The following KCNN1 variants were observed in gnomAD, a reference collection of about 807,000 sequenced individuals.
KCNN1 encodes potassium calcium-activated channel subfamily N member 1, also known as small conductance calcium-activated potassium channel protein 1.
KCNN1 carries 20 observed loss-of-function variants against 44.7 expected under a neutral mutation model. The ratio of observed to expected loss-of-function variants is 0.45; its 90% CI spans 0.32 to 0.65. The LOEUF (loss-of-function observed/expected upper bound fraction) is 0.65, where lower values mean the gene tolerates loss of function less well. Among genes scored for constraint, KCNN1 ranks in the 30% least tolerant of loss-of-function variants. The pLI is 0.05. For missense variants in KCNN1, 632 were observed against 785.3 expected (o/e 0.80, Z 2.33); for synonymous variants, 324 against 341.7 (o/e 0.95, Z 0.57).
chr19:17,996,733 G>C (rs2033006482), intron 9 of KCNN1, among the ~76,000 whole-genome samples: 1 of 152,260 alleles, frequency 6.6e-6, no homozygotes. Context: ...GCCTGAGAGA[G>C]GCCAGGGTAA....
intron 3 of KCNN1, among the ~76,000 whole-genome samples, chr19:17,980,064 CTT>C (rs71164336): frequency 4.4e-5 from 6 of 137,766 alleles, no homozygotes; most frequent in Admixed American, 7.4e-5. Flanking sequence ...CTTTTTCTTT[CTT>C]TTTTTTTTTT....
chr19:17,987,374 T>C (rs768855475), intron 5 of KCNN1, among the ~76,000 whole-genome samples: 3 of 152,154 alleles, frequency 2.0e-5, no homozygotes, highest in Non-Finnish European at 4.4e-5. Context: ...CCTCCCAAAG[T>C]GCTGGGATTA....
chr19:17,971,828 G>C (rs941026609), intron 1 of KCNN1, among the ~76,000 whole-genome samples: 1 of 151,782 alleles, frequency 6.6e-6, no homozygotes, highest in African/African-American at 2.4e-5. Context: ...CAAATCCCAG[G>C]ACCCACTTCT....
chr19:17,979,753 G>A (rs1182135716), intron 3 of KCNN1, among the ~76,000 whole-genome samples: 1 of 152,116 alleles, frequency 6.6e-6, no homozygotes, highest in African/African-American at 2.4e-5. Context: ...GCGAGCGGAG[G>A]AGGCCCCTAG....
At chr19:17,975,311 A>C in intron 3 of KCNN1, 124 bp downstream of exon 3, 2 of 637,238 alleles carry the variant, frequency 3.1e-6, no homozygotes, top group Non-Finnish European at 5.5e-6. Context: ...CTGATAGAAA[A>C]AAGATCTCCA....
chr19:17,980,228 ATTTTTTTTTTTTTTTTT>A (rs34810089), intron 3 of KCNN1, among the ~76,000 whole-genome samples: 5 of 44,530 alleles, frequency 1.1e-4, no homozygotes, highest in African/African-American at 3.9e-4. Context: ...CACCTAGCTA[ATTTTTTTTTTTTTTTTT>A]TTTTTTTTTT....
intron 7 of KCNN1, among the ~76,000 whole-genome samples, chr19:17,991,288 C>T (rs2032786598): frequency 6.6e-6 from 1 of 151,790 alleles, no homozygotes; most frequent in Non-Finnish European, 1.5e-5. Context: ...CCCGTCTCTA[C>T]AAAAATAAAA....
At chr19:17,959,406 T>G (rs1284016082) in intron 2 of KCNN1, among the ~76,000 whole-genome samples, 6 of 151,462 alleles carry the variant, frequency 4.0e-5, no homozygotes, top group Admixed American at 2.0e-4. Flanking sequence ...TACAGGCACC[T>G]GCCACCACGC....
chr19:17,969,364 T>C (rs1163344243), intron 1 of KCNN1, among the ~76,000 whole-genome samples: 1 of 152,194 alleles, frequency 6.6e-6, no homozygotes, highest in African/African-American at 2.4e-5. Context: ...GTCTCCCGTC[T>C]GTAAAATGGG....
intron 2 of KCNN1, among the ~76,000 whole-genome samples, chr19:17,960,522 C>T (rs1163298250): frequency 1.3e-5 from 2 of 151,904 alleles, no homozygotes; most frequent in African/African-American, 2.4e-5. Flanking sequence ...CCCAGCTACT[C>T]GGGAGGCTGA....
intron 4 of KCNN1, chr19:17,982,645 C>T: frequency 1.0e-6 from 1 of 957,072 alleles, no homozygotes; most frequent in Non-Finnish European, 1.2e-6. Context: ...CATCCCCGAC[C>T]CGCTAGGAAT....
chr19:17,965,222 G>A (rs2031769089), upstream of KCNN1, among the ~76,000 whole-genome samples: 1 of 151,572 alleles, frequency 6.6e-6, no homozygotes, highest in Admixed American at 6.6e-5. Context: ...TGCAATGAGT[G>A]GAGATCGTGC....
Position 17,998,037 on chromosome 19 carries a change from G to A in KCNN1, c.1378-115G>A. 8.1e-7 allele frequency: 1 copy of A among 1,228,812 alleles called. No individual in the cohort carries two copies. 76.1% of individuals were successfully genotyped at this position (1,228,812 alleles called of 1,614,324 possible). ...ACCCCTCACACGGGCCCCATTAGTG[G>A]CTGGCACCCACCTGGAGCGTGTGGG... On this transcript the variant is annotated intron_variant, in intron 9 of 9. Coordinates refer to ENST00000684775, the MANE Select transcript of KCNN1 (RefSeq NM_001386974.1). The surrounding 1 kb of genome is among the most constrained non-coding windows in gnomAD (Gnocchi z 5.4).
intron 7 of KCNN1, among the ~76,000 whole-genome samples, chr19:17,992,310 A>G (rs1038985038): frequency 1.3e-5 from 2 of 151,934 alleles, no homozygotes; most frequent in Admixed American, 6.6e-5. Context: ...TGGCTTAGGT[A>G]CAGAAGGGAG....
At chr19:17,973,015 T>C (rs2032074796) in intron 1 of KCNN1, among the ~76,000 whole-genome samples, 1 of 152,138 alleles carries the variant, frequency 6.6e-6, no homozygotes, top group African/African-American at 2.4e-5. Context: ...AATCTGGTGA[T>C]TGGGAGACCA....
chr19:17,989,808 G>C lies in KCNN1; in HGVS notation c.1263G>C (p.Arg421=). ...AGAAGCCAGACCAAGCCCGGGTTCG[G>C]AAACACCAGCGTAAGTTCCTCCAAG... The part of the protein sequence containing the change: ...LVKKPDQARV[R]KHQRKFLQAI... The change falls in exon 7 of 10, where the codon CGG becomes CGC. Residue 421 remains arginine (R), a synonymous_variant. Coordinates refer to ENST00000684775, the MANE Select transcript of KCNN1 (RefSeq NM_001386974.1). The C allele has an allele frequency of 6.2e-7, 1 of 1,613,946 alleles. No homozygotes were observed. Among genetic ancestry groups the C allele is most frequent in the South Asian group, 1.1e-5 (1 of 91,084 alleles).
chr19:17,958,310 A>G (rs1324973765), intron 2 of KCNN1, among the ~76,000 whole-genome samples: 1 of 151,814 alleles, frequency 6.6e-6, no homozygotes, highest in East Asian at 1.9e-4. Flanking sequence ...GCAAGACCCC[A>G]TCTCTACAAA....
chr19:17,966,487 C>T (rs2031812677), upstream of KCNN1, among the ~76,000 whole-genome samples: 1 of 152,208 alleles, frequency 6.6e-6, no homozygotes, highest in Non-Finnish European at 1.5e-5. Context: ...TGATCCCAAA[C>T]TCCCTGGGGC....
chr19:17,996,166 CAA>C (rs757072562), intron 9 of KCNN1, among the ~76,000 whole-genome samples: 12 of 92,110 alleles, frequency 1.3e-4, no homozygotes, highest in Admixed American at 1.2e-4. Context: ...TCCATTGCTA[CAA>C]AAAAAAAAAA....
Sources: allele counts gnomAD v4.1 joint callset (sites outside exome capture counted in the v4.1 genomes callset), GRCh38; gene constraint gnomAD v4.1.1; non-coding constraint Gnocchi (gnomAD v3.1); transcripts MANE v1.5; gene names NCBI Gene and HGNC (gene_info 2026-07-23, HGNC 2026-07-21).